The following TFPI variants were observed in gnomAD, a reference collection of about 807,000 sequenced individuals.
TFPI encodes tissue factor pathway inhibitor.
Under a neutral mutation model 34.6 loss-of-function variants are expected in TFPI, and 15 were observed. The observed-to-expected ratio is 0.43, with a 90% CI of 0.29 to 0.67. TFPI has a LOEUF of 0.67. Ranked by LOEUF, TFPI falls within the 30% of genes least tolerant of loss-of-function variation. The pLI is 0.15. For missense variants in TFPI, 301 were observed against 364.0 expected, an observed-to-expected ratio of 0.83 and a Z score of 1.41; for synonymous variants, 105 against 120.1, an observed-to-expected ratio of 0.87 and a Z score of 0.82.
intron 6 of TFPI, among the ~76,000 whole-genome samples, chr2:187,471,303 TAAG>T (rs1472320134): frequency 1.3e-5 from 2 of 152,178 alleles, no homozygotes; most frequent in Non-Finnish European, 2.9e-5. Flanking sequence ...AATGGTTTCT[TAAG>T]AACATTTTAG....
chr2:187,481,607 G>A (rs1453772227), intron 6 of TFPI, among the ~76,000 whole-genome samples: 1 of 138,414 alleles, frequency 7.2e-6, no homozygotes, highest in Non-Finnish European at 1.6e-5. Flanking sequence ...CCTAGTTACT[G>A]CAACATTGTT....
intron 1 of TFPI, among the ~76,000 whole-genome samples, chr2:187,530,652 A>G (rs926425120): frequency 6.6e-6 from 1 of 152,146 alleles, no homozygotes; most frequent in Non-Finnish European, 1.5e-5. Flanking sequence ...TGCTTTTTAA[A>G]TCACTGTACC....
At chr2:187,528,705 A>G (rs1687804830) in intron 1 of TFPI, among the ~76,000 whole-genome samples, 1 of 152,150 alleles carries the variant, frequency 6.6e-6, no homozygotes, top group Non-Finnish European at 1.5e-5. Context: ...ACTCACCTTA[A>G]AAGAACATTA....
intron 1 of TFPI, among the ~76,000 whole-genome samples, chr2:187,524,267 T>A (rs72906232): frequency 0.051 from 7,738 of 152,090 alleles, 235 homozygotes; most frequent in Admixed American, 0.097. Context: ...GGTATATAAC[T>A]CGGGGTAAAA....
intron 7 of TFPI, 151 bp from the exon 8 acceptor site, chr2:187,467,193 C>A: frequency 1.9e-6 from 1 of 528,190 alleles, no homozygotes; most frequent in South Asian, 2.5e-5. Context: ...TCGTGTAGAA[C>A]AATTTATTTT....
chr2:187,510,033 C>T (rs1278683930), intron 1 of TFPI, among the ~76,000 whole-genome samples: 2 of 152,188 alleles, frequency 1.3e-5, no homozygotes, highest in East Asian at 1.9e-4. Flanking sequence ...TGTAATCACA[C>T]CCCTGCCCCT....
chr2:187,546,217 A>G (rs900923878), intron 1 of TFPI, among the ~76,000 whole-genome samples: 5 of 151,936 alleles, frequency 3.3e-5, no homozygotes, highest in African/African-American at 1.2e-4. Context: ...AGTTGTCCAT[A>G]ACTACTAAAA....
intron 3 of TFPI, among the ~76,000 whole-genome samples, chr2:187,489,576 A>C (rs1057074406): frequency 2.0e-5 from 3 of 151,610 alleles, no homozygotes; most frequent in African/African-American, 7.2e-5. Flanking sequence ...AAATGTATAC[A>C]TATAATGAGT....
intron 3 of TFPI, among the ~76,000 whole-genome samples, chr2:187,493,699 A>G (rs1685272584): frequency 6.6e-6 from 1 of 152,008 alleles, no homozygotes; most frequent in Non-Finnish European, 1.5e-5. Context: ...ACTCTACATC[A>G]TTTCTTCAAG....
At chr2:187,518,465 G>A (rs1019945073) in intron 1 of TFPI, 1 of 152,112 alleles carries the variant, frequency 6.6e-6, no homozygotes, top group African/African-American at 2.4e-5. Flanking sequence ...TAGAATATTG[G>A]CCCCACTCTC....
intron 1 of TFPI, among the ~76,000 whole-genome samples, chr2:187,542,990 A>G (rs1014196077): frequency 2.6e-5 from 4 of 152,146 alleles, no homozygotes; most frequent in African/African-American, 9.7e-5. Context: ...TTGAATGATT[A>G]TATTTGGATT....
At chr2:187,494,330 C>G (rs548860885) in intron 3 of TFPI, among the ~76,000 whole-genome samples, 4 of 152,290 alleles carry the variant, frequency 2.6e-5, no homozygotes, top group African/African-American at 7.2e-5. Flanking sequence ...ACCACTTCTG[C>G]TTTCTAATCT....
chr2:187,480,016 C>A (rs888119035), intron 6 of TFPI, among the ~76,000 whole-genome samples: 1 of 151,974 alleles, frequency 6.6e-6, no homozygotes, highest in Non-Finnish European at 1.5e-5. Flanking sequence ...CATCTTTTGA[C>A]CTTGAAGCCC....
At position 187,496,869 on chromosome 2, in the gene TFPI, C is replaced by T. The variant is rs766797447; in HGVS notation, c.319+12G>A. Reference sequence around the variant, plus strand: ...AAAGGGTCTTGAGTAATAAGGGTTCCCAGAAACCTACCTCTTGTACACATT... The same window carrying T: ...AAAGGGTCTTGAGTAATAAGGGTTCTCAGAAACCTACCTCTTGTACACATT... On this transcript the variant is annotated intron_variant, in intron 3 of 7. Coordinates refer to ENST00000233156, the MANE Select transcript of TFPI (RefSeq NM_006287.6). The T allele has an allele frequency of 1.2e-6, 2 of 1,611,804 alleles. No homozygotes were observed. The highest frequency in any genetic ancestry group is 2.7e-5 in the African/African-American group (2 of 74,748).
At chr2:187,545,066 G>A (rs916290854) in intron 1 of TFPI, among the ~76,000 whole-genome samples, 6 of 152,084 alleles carry the variant, frequency 3.9e-5, no homozygotes, top group African/African-American at 7.2e-5. Flanking sequence ...AGCCGTGATC[G>A]TGCCACTGCG....
At chr2:187,525,399 C>A (rs1220217554) in intron 1 of TFPI, among the ~76,000 whole-genome samples, 1 of 152,014 alleles carries the variant, frequency 6.6e-6, no homozygotes, top group Non-Finnish European at 1.5e-5. Context: ...TTCTGGTTTG[C>A]TTGGCAAGTA....
In TFPI at chr2:187,503,631, T is replaced by G; in HGVS notation, c.121+17A>C. ...GCTTTAACTAGCTTAAAAAGATAAT[T>G]GCTTCTAATATTTTACCTGTGATAA... On this transcript the variant is annotated intron_variant, in intron 2 of 7. Transcript: ENST00000233156. 6.2e-7 allele frequency: 1 copy of G among 1,608,480 alleles called. No homozygotes were observed. The highest frequency in any genetic ancestry group is 8.5e-7 in the Non-Finnish European group (1 of 1,177,350).
At chr2:187,482,134 C>A (rs1371797097) in intron 6 of TFPI, among the ~76,000 whole-genome samples, 2 of 151,856 alleles carry the variant, frequency 1.3e-5, no homozygotes, top group Non-Finnish European at 2.9e-5. Context: ...ATTCCCTAAC[C>A]TACTCTACTC....
chr2:187,553,209 T>A (rs1198004839), intron 1 of TFPI, among the ~76,000 whole-genome samples: 1 of 152,070 alleles, frequency 6.6e-6, no homozygotes, highest in Non-Finnish European at 1.5e-5. Context: ...CCCCCTTTCA[T>A]GTAAATATTA....
Sources: gnomAD v4.1 joint callset for allele counts (sites outside exome capture counted in the v4.1 genomes callset) on GRCh38, gnomAD v4.1.1 for gene constraint, MANE v1.5 for transcripts, NCBI Gene and HGNC (gene_info 2026-07-23, HGNC 2026-07-21) for gene names.